The following RHBDL2 variants were observed in gnomAD, a reference collection of about 807,000 sequenced individuals.
RHBDL2 encodes the protein rhomboid-related protein 2.
A neutral mutation model predicts 31.7 loss-of-function variants in RHBDL2; 26 were observed. The ratio of observed to expected loss-of-function variants is 0.82; its 90% CI spans 0.60 to 1.14. The LOEUF (loss-of-function observed/expected upper bound fraction) is 1.14. Among genes scored for constraint, RHBDL2 ranks in the 50% most tolerant of loss-of-function variants. The probability of loss-of-function intolerance (pLI) is 0.00; values close to 1 mark genes in which losing one functional copy is unlikely to be tolerated. For missense variants in RHBDL2, 336 were observed against 364.4 expected (o/e 0.92, Z 0.63); for synonymous variants, 123 against 127.2 (o/e 0.97, Z 0.22).
intron 1 of RHBDL2, among the ~76,000 whole-genome samples, chr1:38,931,141 AC>A (rs1643434657): frequency 6.6e-6 from 1 of 152,166 alleles, no homozygotes; most frequent in Non-Finnish European, 1.5e-5. Context: ...AAGGCCTGGC[AC>A]TTGTATCTTT....
chr1:38,886,715 G>A, intron 7 of RHBDL2, 32 bp from the exon 8 acceptor site: 1 of 1,494,340 alleles, frequency 6.7e-7, no homozygotes, highest in Non-Finnish European at 9.0e-7. Context: ...ATGGAAATAA[G>A]TGAAGACAAT....
intron 2 of RHBDL2, among the ~76,000 whole-genome samples, chr1:38,917,098 AGTT>A (rs1643248685): frequency 1.3e-5 from 2 of 148,202 alleles, no homozygotes; most frequent in Non-Finnish European, 3.0e-5. Flanking sequence ...GCTCACTGCA[AGTT>A]CTGCCTCCTG....
intron 4 of RHBDL2, among the ~76,000 whole-genome samples, chr1:38,909,020 C>G (rs1643105877): frequency 6.6e-6 from 1 of 152,168 alleles, no homozygotes. Context: ...CCTCTGACTG[C>G]CCCAGCCAAA....
intron 1 of RHBDL2, among the ~76,000 whole-genome samples, chr1:38,928,509 C>G (rs1161403795): frequency 2.6e-5 from 4 of 151,388 alleles, no homozygotes; most frequent in Admixed American, 2.6e-4. Context: ...TGCAATGGCA[C>G]GATCTTGGCT....
intron 6 of RHBDL2, among the ~76,000 whole-genome samples, chr1:38,889,128 C>T (rs1198299155): frequency 6.6e-6 from 1 of 152,176 alleles, no homozygotes; most frequent in Non-Finnish European, 1.5e-5. Flanking sequence ...AGTCTCAACT[C>T]TGTCGCCCAG....
intron 4 of RHBDL2, among the ~76,000 whole-genome samples, chr1:38,904,900 G>A (rs1477338649): frequency 2.0e-5 from 3 of 149,126 alleles, no homozygotes; most frequent in Admixed American, 6.7e-5. Flanking sequence ...GCGTGGTAGC[G>A]GGCGCCTGTA....
At chr1:38,912,916 G>A (rs1243242900) in intron 3 of RHBDL2, among the ~76,000 whole-genome samples, 1,275 of 41,792 alleles carry the variant, frequency 0.031, 8 homozygotes, top group South Asian at 0.067. Flanking sequence ...ATATATGTGT[G>A]TGTGTGTGTG....
At chr1:38,929,269 G>T (rs1643413502) in intron 1 of RHBDL2, 1 of 540,110 alleles carries the variant, frequency 1.9e-6, no homozygotes, top group Non-Finnish European at 3.0e-6. Flanking sequence ...CTACCCCTGG[G>T]AGAAGATGGG....
At chr1:38,941,064 A>C (rs981441257) in intron 1 of RHBDL2, among the ~76,000 whole-genome samples, 5 of 152,246 alleles carry the variant, frequency 3.3e-5, no homozygotes, top group African/African-American at 1.2e-4. Flanking sequence ...CAGTTTTCTT[A>C]TTCCCAAGAG....
intron 3 of RHBDL2, 119 bp from the exon 4 acceptor site, chr1:38,911,553 A>C: frequency 1.5e-6 from 1 of 646,218 alleles, no homozygotes; most frequent in Non-Finnish European, 2.7e-6. Context: ...CTAGAATTCC[A>C]TTTTCTAATT....
At chr1:38,923,090 CAAAA>C (rs1052426753) in intron 1 of RHBDL2, among the ~76,000 whole-genome samples, 4 of 146,524 alleles carry the variant, frequency 2.7e-5, no homozygotes, top group African/African-American at 1.0e-4. Context: ...AACTCCATCT[CAAAA>C]AAAAGAAAAA....
chr1:38,899,931 T>G (rs76774274), intron 4 of RHBDL2, among the ~76,000 whole-genome samples: 3,085 of 152,254 alleles, frequency 0.02, 101 homozygotes, highest in African/African-American at 0.07. Flanking sequence ...GCCGTCCTCC[T>G]CTGCTTTTCT....
intron 1 of RHBDL2, among the ~76,000 whole-genome samples, chr1:38,939,531 G>C (rs1452048269): frequency 6.6e-6 from 1 of 152,150 alleles, no homozygotes; most frequent in Non-Finnish European, 1.5e-5. Context: ...ACAAAAGTTA[G>C]CTGGGCATGA....
At position 38,915,669 on chromosome 1, in the gene RHBDL2, T is replaced by A; in HGVS notation, c.288A>T (p.Lys96Asn). ...FIYYAVWKPQKQWITLDTGIL... is the reference protein window; with the variant it reads ...FIYYAVWKPQNQWITLDTGIL... ...TGCCTGTGTCCAACGTGATCCACTGTTTCTGAGGCTTCCACACAGCATAGT... is the reference window on the plus strand; with the variant it reads ...TGCCTGTGTCCAACGTGATCCACTGATTCTGAGGCTTCCACACAGCATAGT... The change falls in exon 3 of 8, where the codon AAA becomes AAT. Residue 96 changes from lysine (K) to asparagine (N), a missense_variant. Coordinates refer to ENST00000372990, the MANE Select transcript of RHBDL2 (RefSeq NM_017821.5). The A allele has an allele frequency of 6.2e-7, 1 of 1,614,146 alleles. No homozygotes were observed. Among genetic ancestry groups the A allele is most frequent in the Non-Finnish European group, 8.5e-7 (1 of 1,180,028 alleles).
At chr1:38,904,528 A>C (rs1169339278) in intron 4 of RHBDL2, among the ~76,000 whole-genome samples, 3 of 151,724 alleles carry the variant, frequency 2.0e-5, no homozygotes, top group Non-Finnish European at 4.4e-5. Context: ...CAATTCCTAA[A>C]GTTTGAAAAT....
At chr1:38,933,329 T>C (rs1175966809) in intron 1 of RHBDL2, among the ~76,000 whole-genome samples, 2 of 152,110 alleles carry the variant, frequency 1.3e-5, no homozygotes, top group African/African-American at 4.8e-5. Flanking sequence ...AGCACGTCCC[T>C]AGGAAGTCTC....
intron 1 of RHBDL2, among the ~76,000 whole-genome samples, chr1:38,922,383 TCAGCCTCCC>T (rs1376989063): frequency 9.6e-6 from 1 of 104,530 alleles, no homozygotes; most frequent in African/African-American, 4.3e-5. Context: ...GCCTCCCACC[TCAGCCTCCC>T]AAGTAGCTGG....
chr1:38,896,840 C>A (rs1474288236), intron 4 of RHBDL2, among the ~76,000 whole-genome samples: 1 of 152,264 alleles, frequency 6.6e-6, no homozygotes, highest in East Asian at 1.9e-4. Context: ...TGGTCTATTC[C>A]TTTCAAGGTC....
At chr1:38,904,103 T>C (rs1643029686) in intron 4 of RHBDL2, among the ~76,000 whole-genome samples, 2 of 152,214 alleles carry the variant, frequency 1.3e-5, no homozygotes, top group African/African-American at 2.4e-5. Context: ...ATGGAAAGCC[T>C]AAAATAATAA....
Sources: allele counts gnomAD v4.1 joint callset (sites outside exome capture counted in the v4.1 genomes callset), GRCh38; gene constraint gnomAD v4.1.1; transcripts MANE v1.5; gene names NCBI Gene and HGNC (gene_info 2026-07-23, HGNC 2026-07-21).